TEDC1: variants seen among roughly 807,000 people sequenced by gnomAD.
TEDC1 encodes tubulin epsilon and delta complex 1.
In TEDC1, 54 loss-of-function variants were observed where a neutral mutation model predicts 59.9. That is an observed-to-expected ratio of 0.90 (90% CI 0.72 to 1.13). TEDC1 has a LOEUF of 1.13. TEDC1 is among the 50% of genes most tolerant of loss of function. The pLI is 0.00. For missense variants in TEDC1, 734 were observed against 683.4 expected, an observed-to-expected ratio of 1.07 and a Z score of -0.83; for synonymous variants, 353 against 298.1, an observed-to-expected ratio of 1.18 and a Z score of -1.90.
Position 105,496,106 on chromosome 14 carries a change from A to T in TEDC1, c.891+20A>T. ...AGGGCGGTAAGTCGGGGAGGCTGGC[A>T]GGGAAGTGGAGACCGCAGGACTTGG... On this transcript the variant is annotated intron_variant, in intron 6 of 8. Coordinates refer to ENST00000392523, the MANE Select transcript of TEDC1 (RefSeq NM_001367178.1). 2.2e-6 allele frequency: 2 copies of T among 912,244 alleles called. No individual in the cohort carries two copies. Among genetic ancestry groups the T allele is most frequent in the Non-Finnish European group, 2.7e-6 (2 of 752,334 alleles). 56.5% of individuals were successfully genotyped at this position (912,244 alleles called of 1,614,324 possible). A position where few individuals can be genotyped will look rare whatever the true frequency, so the allele number is the denominator to read the frequency against.
upstream of TEDC1, chr14:105,491,224 G>A (rs2084197968): frequency 1.9e-6 from 3 of 1,542,010 alleles, no homozygotes; most frequent in Non-Finnish European, 1.7e-6. Context: ...CGCTGGACCC[G>A]GCCCGTGCCA....
At chr14:105,490,825 G>T (rs1043534251), upstream of TEDC1, 7 of 624,034 alleles carry the variant, frequency 1.1e-5, no homozygotes, top group African/African-American at 1.3e-4. Context: ...GGCCCCACAG[G>T]GCGCCTTCCG....
chr14:105,494,004 TGGGA>T, intron 5 of TEDC1, 71 bp downstream of exon 5: 5 of 98,998 alleles, frequency 5.1e-5, no homozygotes, highest in Middle Eastern at 2.9e-3. Flanking sequence ...CTGCCCAGGG[TGGGA>T]GGGGCCTGGG....
chr14:105,493,326 T>C (rs1480004586), intron 4 of TEDC1, among the ~76,000 whole-genome samples: 8 of 151,388 alleles, frequency 5.3e-5, no homozygotes, highest in Non-Finnish European at 1.5e-5. Context: ...CAGCTGGCCT[T>C]TCCAGGGACC....
At chr14:105,491,901 G>C (rs1247895181) in intron 2 of TEDC1, among the ~76,000 whole-genome samples, 3 of 152,166 alleles carry the variant, frequency 2.0e-5, no homozygotes, top group Non-Finnish European at 4.4e-5. Flanking sequence ...GGGTAGCACT[G>C]GCTTCTGCTC....
chr14:105,498,623 G>A lies in TEDC1; in HGVS notation c.1165G>A (p.Gly389Ser), dbSNP rs1170572910. The part of the protein sequence containing the change: ...RRAAWEAKAG[G>S]CGRGPEWSAA... ...GCCATTGTGTCCCACGCAGGCTGGA[G>A]GCTGTGGACGGGGGCCAGAGTGGAG... The change falls in exon 9 of 9, where the codon GGC becomes AGC. Residue 389 changes from glycine to serine, a missense_variant. By Grantham distance (56) the Gly-to-Ser change is moderately conservative (BLOSUM62 0). Transcript: ENST00000392523. 8 of 1,544,184 alleles carry A rather than the reference G, an allele frequency of 5.2e-6. No homozygotes were observed. The African/African-American group carries it at 9.6e-5, about 18-fold the overall frequency.
At chr14:105,490,031 C>A (rs915512452), upstream of TEDC1, 2 of 152,274 alleles carry the variant, frequency 1.3e-5, no homozygotes, top group African/African-American at 4.8e-5. Flanking sequence ...TTCAAGAAAC[C>A]CGCGTGGGCG....
Position 105,499,147 on chromosome 14 carries a change from G to T in TEDC1, c.*201G>T. On this transcript the variant is annotated 3_prime_UTR_variant, in exon 9 of 9. Transcript: ENST00000392523. ...GCTAGCAGCACTGGGGACAGGAATG[G>T]CTGGTCCCTTGAGGAGGTCGTGACA... 1 of 623,438 alleles carries T rather than the reference G, an allele frequency of 1.6e-6. No individual in the cohort carries two copies. Among genetic ancestry groups the T allele is most frequent in the Non-Finnish European group, 2.8e-6 (1 of 359,516 alleles). The allele number at this position is 623,438 out of a possible 1,614,324, so 38.6% of individuals were successfully genotyped here.
chr14:105,495,431 A>T lies in TEDC1; in HGVS notation c.685-449A>T, dbSNP rs188486605. 170 of 161,294 alleles carry T rather than the reference A, an allele frequency of 1.1e-3. 7 individuals are homozygous for T. The East Asian group carries it at 0.022, about 21-fold the overall frequency. The allele number at this position is 161,294 out of a possible 1,614,324, so 10.0% of individuals were successfully genotyped here. A position where few individuals can be genotyped will look rare whatever the true frequency, so the allele number is the denominator to read the frequency against. On this transcript the variant is annotated intron_variant, in intron 5 of 8. Coordinates refer to ENST00000392523, the MANE Select transcript of TEDC1 (RefSeq NM_001367178.1). The stretch of plus-strand genomic sequence containing the variant: ...GTGTCTGCTGGGGCTTCCTGCTCGT[A>T]GCAAGGGCCTGTGGGTTCCAGCTCT...
chr14:105,497,004 C>T, intron 6 of TEDC1: 2 of 387,302 alleles, frequency 5.2e-6, no homozygotes, highest in East Asian at 6.4e-5. Context: ...TTGAGAGGCA[C>T]CTGGACCTGT....
In TEDC1 at chr14:105,492,222, G is replaced by A. The variant is rs1555439587; in HGVS notation, c.342G>A (p.Leu114=). Residue 114 remains leucine (L), a synonymous_variant, in exon 3 of 9, where the codon CTG becomes CTA. Transcript: ENST00000392523. ...GCAGTCGGGAGCTGCTGCTGGCTCT[G>A]TCCTGGCTCTTGGCCCGAGGACCTG... ...SQGSRELLLA[L]SWLLARGPVP... 1 of 1,612,314 alleles carries A rather than the reference G, an allele frequency of 6.2e-7. No homozygotes were observed. Among genetic ancestry groups the A allele is most frequent in the East Asian group, 2.2e-5 (1 of 44,876 alleles).
chr14:105,496,856 G>A (rs1449697856), intron 6 of TEDC1: 6 of 201,122 alleles, frequency 3.0e-5, no homozygotes, highest in Non-Finnish European at 6.0e-5. Flanking sequence ...ACTGCCTTAG[G>A]GGGTCCCTGA....
At chr14:105,494,577 C>A (rs1376014516) in intron 5 of TEDC1, 1 of 153,748 alleles carries the variant, frequency 6.5e-6, no homozygotes, top group African/African-American at 2.4e-5. Flanking sequence ...AGATCCTGAG[C>A]CCTGGATAGC....
At position 105,495,975 on chromosome 14, in the gene TEDC1, GA is replaced by G; in HGVS notation, c.782del (p.Asn261MetfsTer101). On this transcript the variant is annotated frameshift_variant, in exon 6 of 9. Coordinates refer to ENST00000392523, the MANE Select transcript of TEDC1 (RefSeq NM_001367178.1). LOFTEE classifies it high-confidence loss of function. Reference sequence around the variant, plus strand: ...CTGGGATGGGTCCCAGAACCTTCTGGAATGATCTGTGGCTGGTATGTGAGCA... The same window carrying G: ...CTGGGATGGGTCCCAGAACCTTCTGGATGATCTGTGGCTGGTATGTGAGCA... ...TPGMGPRTFWNDLWLVCEQPG... is the reference protein window; with the variant it reads ...TPGMGPRTFWXDLWLVCEQPG... 1 of 1,550,348 alleles carries G rather than the reference GA, an allele frequency of 6.5e-7. No individual in the cohort carries two copies. Among genetic ancestry groups the G allele is most frequent in the South Asian group, 1.2e-5 (1 of 84,062 alleles).
At chr14:105,490,721 G>C (rs1016727236), upstream of TEDC1, 1 of 392,106 alleles carries the variant, frequency 2.6e-6, no homozygotes, top group Non-Finnish European at 4.7e-6. Context: ...TGGGGTCTGC[G>C]CTGTGCGGCG....
chr14:105,496,616 G>A (rs2084352680), intron 6 of TEDC1: 1 of 171,330 alleles, frequency 5.8e-6, no homozygotes, highest in Non-Finnish European at 1.2e-5. Context: ...CACTGGTACA[G>A]ATAGCCCATG....
chr14:105,497,842 C>G lies in TEDC1; in HGVS notation c.1023C>G (p.Ala341=), dbSNP rs2084382295. 5 of 1,573,032 alleles carry G rather than the reference C, an allele frequency of 3.2e-6. No individual in the cohort carries two copies. In the East Asian group the frequency reaches 1.2e-4, roughly 37 times the overall value. Residue 341 remains alanine (A), a synonymous_variant, in exon 8 of 9, where the codon GCC becomes GCG. Coordinates refer to ENST00000392523, the MANE Select transcript of TEDC1 (RefSeq NM_001367178.1). ...GTGCCCCGGAGGTGCCTGCTGCAGC[C>G]TCACAGCCCACCTTCCTGCCCTGGG... ...GTCAPEVPAA[A]SQPTFLPWVP... is the part of the protein sequence containing the mutation.
At chr14:105,497,075 C>CG (rs2084362876) in intron 6 of TEDC1, 2 of 536,188 alleles carry the variant, frequency 3.7e-6, no homozygotes. Context: ...TCCTCAGAGC[C>CG]GGGGGGCAGC....
chr14:105,491,627 C>A lies in TEDC1; in HGVS notation c.153C>A (p.Ser51=). ...RAKFDRPEAT[S]ALWQLLFRVL... ...CCGCTTTTTATTTTCCGCAGACCTC[C>A]GCGCTCTGGCAGCTCCTCTTCCGTG... The change falls in exon 2 of 9, where the codon TCC becomes TCA. Residue 51 remains serine (S), a synonymous_variant. Coordinates refer to ENST00000392523, the MANE Select transcript of TEDC1 (RefSeq NM_001367178.1). The A allele has an allele frequency of 6.5e-7, 1 of 1,549,702 alleles. No individual in the cohort carries two copies. The highest frequency in any genetic ancestry group is 8.7e-7 in the Non-Finnish European group (1 of 1,146,798).
Sources: gnomAD v4.1 joint callset for allele counts (sites outside exome capture counted in the v4.1 genomes callset) on GRCh38, gnomAD v4.1.1 for gene constraint, MANE v1.5 for transcripts, NCBI Gene and HGNC (gene_info 2026-07-23, HGNC 2026-07-21) for gene names.